ALG6: variants seen among roughly 807,000 people sequenced by gnomAD.
ALG6 encodes ALG6 alpha-1,3-glucosyltransferase, also known as dolichyl pyrophosphate Man9GlcNAc2 alpha-1,3-glucosyltransferase.
In ALG6, 46 loss-of-function variants were observed where a neutral mutation model predicts 66.6. The observed-to-expected ratio is 0.69, with a 90% CI of 0.55 to 0.88. The LOEUF (loss-of-function observed/expected upper bound fraction) is 0.88, where lower values mean the gene tolerates loss of function less well. Ranked by LOEUF, ALG6 falls within the 40% of genes least tolerant of loss-of-function variation. The pLI, the probability that ALG6 is intolerant of heterozygous loss-of-function variation, is 0.00. For synonymous variants in ALG6, 185 were observed against 203.7 expected (o/e 0.91, Z 0.78); for missense variants, 505 against 586.8 (o/e 0.86, Z 1.44).
chr1:63,410,899 T>G (rs1644512505), intron 7 of ALG6, among the ~76,000 whole-genome samples: 1 of 152,166 alleles, frequency 6.6e-6, no homozygotes, highest in Admixed American at 6.6e-5. Context: ...CCAAAACAAA[T>G]CAGTTGCTGC....
intron 14 of ALG6, among the ~76,000 whole-genome samples, chr1:63,435,806 G>A (rs979542975): frequency 6.6e-6 from 1 of 152,068 alleles, no homozygotes. Flanking sequence ...AGCCACATGT[G>A]GTTAGCAGCT....
At chr1:63,421,265 G>A (rs966308917) in intron 12 of ALG6, among the ~76,000 whole-genome samples, 18 of 152,172 alleles carry the variant, frequency 1.2e-4, no homozygotes, top group Middle Eastern at 3.4e-3. Context: ...CACAACCTCC[G>A]CCTCCCTAGT....
chr1:63,395,523 G>A (rs986643762), intron 2 of ALG6, among the ~76,000 whole-genome samples: 7 of 152,034 alleles, frequency 4.6e-5, no homozygotes, highest in African/African-American at 1.2e-4. Flanking sequence ...TGGTGAAACC[G>A]GTCTCTAATA....
intron 1 of ALG6, among the ~76,000 whole-genome samples, chr1:63,368,220 G>T (rs1266507267): frequency 1.3e-5 from 2 of 152,146 alleles, no homozygotes; most frequent in Non-Finnish European, 2.9e-5. Context: ...CTGATTTACA[G>T]GTGGAAAAAG....
chr1:63,376,510 A>T (rs1262436932), intron 2 of ALG6, among the ~76,000 whole-genome samples: 1 of 152,190 alleles, frequency 6.6e-6, no homozygotes, highest in Non-Finnish European at 1.5e-5. Flanking sequence ...CATTTAAGCT[A>T]TACATTTTCT....
At chr1:63,404,074 TG>T (rs1426837604) in intron 4 of ALG6, among the ~76,000 whole-genome samples, 1 of 152,220 alleles carries the variant, frequency 6.6e-6, no homozygotes, top group Non-Finnish European at 1.5e-5. Flanking sequence ...TGTAGCCAAT[TG>T]TTATGATAAC....
chr1:63,415,723 A>C, intron 10 of ALG6, 150 bp from the exon 11 acceptor site: 3 of 509,822 alleles, frequency 5.9e-6, no homozygotes, highest in Middle Eastern at 5.6e-4. Flanking sequence ...ATGTTATTTC[A>C]TCTTTAAATT....
intron 9 of ALG6, 189 bp from the exon 10 acceptor site, chr1:63,413,872 A>C (rs988431277): frequency 2.2e-5 from 11 of 510,810 alleles, no homozygotes; most frequent in African/African-American, 1.4e-4. Context: ...GCCCTGCACA[A>C]AAATGAAAAA....
intron 14 of ALG6, among the ~76,000 whole-genome samples, chr1:63,435,318 TTTA>T (rs1222817788): frequency 1.3e-5 from 2 of 152,222 alleles, no homozygotes; most frequent in African/African-American, 4.8e-5. Flanking sequence ...AAACTTTTAT[TTTA>T]AAGATTTCAT....
rs1362437910 is a variant in ALG6, at chr1:63,404,546, A to G, written c.346+5A>G. ...AGCTCTTCATGCGTACAACAGGTAA[A>G]AGAGCAATGGGTAGTGAATATAAAA... On this transcript the variant is annotated splice_donor_5th_base_variant and intron_variant, in intron 5 of 14. Coordinates refer to ENST00000263440, the MANE Select transcript of ALG6 (RefSeq NM_013339.4). 3 of 1,611,902 alleles carry G rather than the reference A, an allele frequency of 1.9e-6. No homozygotes were observed. The highest frequency in any genetic ancestry group is 3.3e-5 in the Admixed American group (2 of 59,990).
intron 11 of ALG6, among the ~76,000 whole-genome samples, chr1:63,419,039 T>C (rs1644560057): frequency 6.6e-6 from 1 of 152,164 alleles, no homozygotes; most frequent in African/African-American, 2.4e-5. Context: ...TCTTTCATGG[T>C]TTTAAATTTA....
intron 5 of ALG6, among the ~76,000 whole-genome samples, chr1:63,405,222 C>G (rs1644484506): frequency 1.3e-5 from 2 of 152,036 alleles, no homozygotes; most frequent in Admixed American, 1.3e-4. Flanking sequence ...TCCTGTCTTT[C>G]CCTCTCCCAC....
At chr1:63,436,562 T>G (rs1357035105) in intron 14 of ALG6, among the ~76,000 whole-genome samples, 1 of 152,154 alleles carries the variant, frequency 6.6e-6, no homozygotes, top group Non-Finnish European at 1.5e-5. Flanking sequence ...CCTCAGGTTT[T>G]GGCTACACAT....
rs543290075 is a variant in ALG6 at position 63,432,399 on chromosome 1, A to C, written c.1326+3273A>C. ...TATCTGCCACTGGCTTCAGTTTGAC[A>C]GTATTCTGTTGATGATTTTTGCATT... On this transcript the variant is annotated intron_variant, in intron 14 of 14. Coordinates refer to ENST00000263440, the MANE Select transcript of ALG6 (RefSeq NM_013339.4). 3.3e-5 allele frequency among the ~76,000 whole-genome samples: 5 copies of C among 152,294 alleles called. No individual in the cohort carries two copies. In the South Asian group the frequency reaches 1.0e-3, roughly 32 times the overall value.
intron 11 of ALG6, among the ~76,000 whole-genome samples, chr1:63,416,764 GTCT>G (rs1644547879): frequency 6.6e-6 from 1 of 152,132 alleles, no homozygotes; most frequent in South Asian, 2.1e-4. Flanking sequence ...GCTTTACAAA[GTCT>G]TCTTGGTTGT....
At chr1:63,416,137 T>C (rs1207665533) in intron 11 of ALG6, among the ~76,000 whole-genome samples, 180 bp downstream of exon 11, 1 of 152,238 alleles carries the variant, frequency 6.6e-6, no homozygotes, top group East Asian at 1.9e-4. Flanking sequence ...AAGCAATCAA[T>C]ACTCTTTCAG....
At chr1:63,398,392 C>A (rs1008765190) in intron 3 of ALG6, among the ~76,000 whole-genome samples, 3 of 152,262 alleles carry the variant, frequency 2.0e-5, no homozygotes, top group Non-Finnish European at 2.9e-5. Context: ...CCCTGACCAA[C>A]ATTTAGTAAT....
At chr1:63,402,611 T>G (rs1644470587) in intron 4 of ALG6, among the ~76,000 whole-genome samples, 1 of 150,932 alleles carries the variant, frequency 6.6e-6, no homozygotes, top group Admixed American at 6.6e-5. Context: ...GGAGTACAGG[T>G]GCCCGCCACC....
rs1258881274 is a variant in ALG6, at chr1:63,437,469, A to C, written c.*449A>C. On this transcript the variant is annotated 3_prime_UTR_variant, in exon 15 of 15. Coordinates refer to ENST00000263440, the MANE Select transcript of ALG6 (RefSeq NM_013339.4). ...GGAAATCACTAATTTTGGTATTCAA[A>C]CTTACATTTTAGAATGCAAGTAGTG... 2 of 174,140 alleles carry C rather than the reference A, an allele frequency of 1.1e-5. No individual in the cohort carries two copies. The highest frequency in any genetic ancestry group is 2.4e-5 in the Non-Finnish European group (2 of 81,740). The allele number at this position is 174,140 out of a possible 1,614,324, so 10.8% of individuals were successfully genotyped here.
Sources: gnomAD v4.1 joint callset for allele counts (sites outside exome capture counted in the v4.1 genomes callset) on GRCh38, gnomAD v4.1.1 for gene constraint, MANE v1.5 for transcripts, NCBI Gene and HGNC (gene_info 2026-07-23, HGNC 2026-07-21) for gene names.